EPHX2: variants seen among roughly 807,000 people sequenced by gnomAD.
EPHX2 encodes the protein epoxide hydrolase 2, also known as bifunctional epoxide hydrolase 2.
Under a neutral mutation model 78.7 loss-of-function variants are expected in EPHX2, and 74 were observed. The observed-to-expected ratio is 0.94, with a 90% CI of 0.78 to 1.14. EPHX2 has a LOEUF of 1.14. Ranked by LOEUF, EPHX2 falls within the 50% of genes most tolerant of loss-of-function variation. The probability of loss-of-function intolerance (pLI) is 0.00; values close to 1 mark genes in which losing one functional copy is unlikely to be tolerated. For synonymous variants in EPHX2, 251 were observed against 255.2 expected (o/e 0.98, Z 0.16); for missense variants, 715 against 702.5 (o/e 1.02, Z -0.20).
intron 2 of EPHX2, among the ~76,000 whole-genome samples, chr8:27,503,117 C>T (rs530915303): frequency 6.6e-6 from 1 of 152,286 alleles, no homozygotes. Context: ...AGAGAGCTAT[C>T]GAGCCCCTTC....
At chr8:27,499,967 TA>T (rs1288783115) in intron 1 of EPHX2, among the ~76,000 whole-genome samples, 7 of 152,174 alleles carry the variant, frequency 4.6e-5, no homozygotes, top group Non-Finnish European at 1.0e-4. Flanking sequence ...AATTACCTCT[TA>T]AAGACCCACT....
intron 16 of EPHX2, among the ~76,000 whole-genome samples, chr8:27,542,617 A>G (rs542936097): frequency 1.3e-5 from 2 of 152,280 alleles, no homozygotes; most frequent in Admixed American, 6.5e-5. Context: ...GTGAATCCCA[A>G]TGGTGCTAAG....
chr8:27,506,835 T>C (rs1814023511), intron 4 of EPHX2, 37 bp from the exon 5 acceptor site: 1 of 1,601,948 alleles, frequency 6.2e-7, no homozygotes. Context: ...TCTGGTGAGT[T>C]TCTTTCTGAG....
rs553040380 is a variant in EPHX2 at position 27,520,371 on chromosome 8, G to A, written c.946-512G>A. Among the ~76,000 whole-genome samples, 9 of 151,092 alleles carry A rather than the reference G, an allele frequency of 6.0e-5. No individual in the cohort carries two copies. In the East Asian group the frequency reaches 1.2e-3, roughly 20 times the overall value. ...TTGTTTTGGGTTTTTTTTTTGAGAT[G>A]GAGTTTCACTTTGTTACCAGGCTGG... On this transcript the variant is annotated intron_variant, in intron 9 of 18. Coordinates refer to ENST00000521400, the MANE Select transcript of EPHX2 (RefSeq NM_001979.6).
At chr8:27,507,758 T>C (rs559816026) in intron 5 of EPHX2, among the ~76,000 whole-genome samples, 1 of 152,342 alleles carries the variant, frequency 6.6e-6, no homozygotes, top group African/African-American at 2.4e-5. Context: ...CTCACTGTTC[T>C]GGAGGCTGGA....
At chr8:27,501,328 T>TTCTTCC (rs1813765476) in intron 2 of EPHX2, among the ~76,000 whole-genome samples, 2 of 34,324 alleles carry the variant, frequency 5.8e-5, no homozygotes, top group Non-Finnish European at 1.1e-4. Flanking sequence ...ATATATTTTC[T>TTCTTCC]TCTTCTTCTT....
At chr8:27,543,006 T>TCCCCCCCCCC (rs60846123) in intron 16 of EPHX2, among the ~76,000 whole-genome samples, 31 of 99,624 alleles carry the variant, frequency 3.1e-4, no homozygotes, top group Admixed American at 4.3e-4. Context: ...TCCCATCCTC[T>TCCCCCCCCCC]CCCCCCCCCG....
rs185380959 is a variant in EPHX2, at chr8:27,526,014, T to C, written c.1170+541T>C. 4.8e-3 allele frequency among the ~76,000 whole-genome samples: 724 copies of C among 152,342 alleles called. 5 individuals carry two copies. The highest frequency in any genetic ancestry group is 0.017 in the African/African-American group (692 of 41,576). On this transcript the variant is annotated intron_variant, in intron 12 of 18. Transcript: ENST00000521400. Reference sequence around the variant, plus strand: ...CAGGAGTCAACGTCACCTGGCCTGGTGCCCCGCCTACAGCTGCCCTCTTCT... The same window carrying C: ...CAGGAGTCAACGTCACCTGGCCTGGCGCCCCGCCTACAGCTGCCCTCTTCT...
At chr8:27,541,369 C>G (rs1815394463) in intron 15 of EPHX2, 104 bp from the exon 16 acceptor site, 1 of 1,240,864 alleles carries the variant, frequency 8.1e-7, no homozygotes, top group South Asian at 1.3e-5. Context: ...GGAGGCTTTG[C>G]TCTTCCCAGG....
chr8:27,493,985 T>C (rs1813480329), intron 1 of EPHX2, among the ~76,000 whole-genome samples: 1 of 151,748 alleles, frequency 6.6e-6, no homozygotes, highest in Admixed American at 6.6e-5. Flanking sequence ...CATACACTAG[T>C]GGTGGGGGCG....
intron 12 of EPHX2, 89 bp downstream of exon 12, chr8:27,525,562 C>T: frequency 8.6e-7 from 1 of 1,161,770 alleles, no homozygotes; most frequent in African/African-American, 1.5e-5. Context: ...TCACTGTCCC[C>T]TTTAATTTTA....
chr8:27,517,802 A>G (rs1563350809), intron 8 of EPHX2, among the ~76,000 whole-genome samples: 2 of 152,252 alleles, frequency 1.3e-5, no homozygotes, highest in Non-Finnish European at 2.9e-5. Context: ...ACACAGGGGG[A>G]AAGCTTGACA....
At chr8:27,535,583 C>G (rs967165585) in intron 12 of EPHX2, among the ~76,000 whole-genome samples, 2 of 152,188 alleles carry the variant, frequency 1.3e-5, no homozygotes, top group African/African-American at 4.8e-5. Flanking sequence ...CATCTTTCAA[C>G]TTCTGGAAAC....
chr8:27,533,791 T>G (rs1391818440), intron 12 of EPHX2, among the ~76,000 whole-genome samples: 2 of 152,202 alleles, frequency 1.3e-5, no homozygotes, highest in Non-Finnish European at 2.9e-5. Context: ...GGGTCTCTAC[T>G]GTTGTTCAGG....
At chr8:27,503,844 G>A (rs761816520) in intron 3 of EPHX2, 81 bp downstream of exon 3, 6 of 1,478,882 alleles carry the variant, frequency 4.1e-6, no homozygotes, top group Non-Finnish European at 5.4e-6. Context: ...ATTGAAGTGA[G>A]CTTTGAGATC....
At chr8:27,496,368 A>G (rs548961225) in intron 1 of EPHX2, among the ~76,000 whole-genome samples, 7 of 152,326 alleles carry the variant, frequency 4.6e-5, no homozygotes, top group African/African-American at 1.7e-4. Context: ...GGCTATCCCT[A>G]AACCCTTGAG....
chr8:27,513,704 G>C (rs1814340041), intron 6 of EPHX2, among the ~76,000 whole-genome samples: 1 of 152,170 alleles, frequency 6.6e-6, no homozygotes, highest in African/African-American at 2.4e-5. Context: ...ACATGCGTTT[G>C]CTGGGCTACT....
chr8:27,536,981 G>T (rs1164615313), intron 13 of EPHX2, 126 bp downstream of exon 13: 1 of 916,814 alleles, frequency 1.1e-6, no homozygotes, highest in African/African-American at 1.7e-5. Flanking sequence ...TATAGTCAGG[G>T]TAATTGAGGT....
At chr8:27,492,226 G>A (rs1813405192) in intron 1 of EPHX2, among the ~76,000 whole-genome samples, 1 of 152,172 alleles carries the variant, frequency 6.6e-6, no homozygotes, top group African/African-American at 2.4e-5. Context: ...AAGATGAGAT[G>A]GCAAGTAGCT....
Sources: allele counts gnomAD v4.1 joint callset (sites outside exome capture counted in the v4.1 genomes callset), GRCh38; gene constraint gnomAD v4.1.1; transcripts MANE v1.5; gene names NCBI Gene and HGNC (gene_info 2026-07-23, HGNC 2026-07-21).